Variants in SAMD12 observed in about 807,000 individuals in gnomAD.
SAMD12 encodes the protein sterile alpha motif domain-containing protein 12.
SAMD12 carries 9 observed loss-of-function variants against 15.0 expected under a neutral mutation model. The observed-to-expected ratio is 0.60, with a 90% CI of 0.36 to 1.05. SAMD12 has a LOEUF of 1.05. Ranked by LOEUF, SAMD12 falls within the 50% of genes least tolerant of loss-of-function variation. The pLI, the probability that SAMD12 is intolerant of heterozygous loss-of-function variation, is 0.01. For missense variants in SAMD12, 230 were observed against 234.2 expected (o/e 0.98, Z 0.12); for synonymous variants, 86 against 90.1 (o/e 0.96, Z 0.25).
chr8:118,269,220 C>CTCTCTCTCTGTGTGTGTG (rs1299970707), intron 4 of SAMD12, among the ~76,000 whole-genome samples: 4 of 123,042 alleles, frequency 3.3e-5, no homozygotes, highest in South Asian at 6.1e-4. Context: ...CTCTCTCTCT[C>CTCTCTCTCTGTGTGTGTG]TGTGTGTGTG....
chr8:118,182,427 A>G, the SAMD12 span, among the ~76,000 whole-genome samples: 169 of 152,296 alleles, frequency 1.1e-3, 2 homozygotes, highest in Non-Finnish European at 2.1e-3. Context: ...CATGAAATTT[A>G]TGGCTTCTTT....
intron 4 of SAMD12, among the ~76,000 whole-genome samples, chr8:118,199,124 T>C (rs1057427002): frequency 2.6e-5 from 4 of 152,188 alleles, no homozygotes; most frequent in African/African-American, 9.6e-5. Context: ...AAAGCTTATA[T>C]ATATGCATAG....
intron 2 of SAMD12, among the ~76,000 whole-genome samples, chr8:118,471,718 T>G (rs1823797362): frequency 6.6e-6 from 1 of 152,174 alleles, no homozygotes; most frequent in Non-Finnish European, 1.5e-5. Context: ...CTCTTGGTCT[T>G]AGGTATTTAT....
intron 4 of SAMD12, among the ~76,000 whole-genome samples, chr8:118,198,903 G>C (rs1012736141): frequency 5.3e-5 from 8 of 151,530 alleles, no homozygotes; most frequent in Non-Finnish European, 1.2e-4. Flanking sequence ...CTAAAAAAAA[G>C]AAAGAAGCTA....
At chr8:118,544,046 T>C (rs1826058644) in intron 2 of SAMD12, among the ~76,000 whole-genome samples, 1 of 152,166 alleles carries the variant, frequency 6.6e-6, no homozygotes, top group African/African-American at 2.4e-5. Flanking sequence ...TTTCACCATC[T>C]GTTCCCAATC....
At chr8:118,396,186 C>G (rs960986372) in intron 3 of SAMD12, among the ~76,000 whole-genome samples, 1 of 152,118 alleles carries the variant, frequency 6.6e-6, no homozygotes, top group Non-Finnish European at 1.5e-5. Context: ...TCTCCACATG[C>G]AAGCTCTGTG....
intron 4 of SAMD12, among the ~76,000 whole-genome samples, chr8:118,254,422 C>T (rs762982229): frequency 6.6e-6 from 1 of 152,098 alleles, no homozygotes; most frequent in Non-Finnish European, 1.5e-5. Context: ...TTGATTCATG[C>T]CGCGTAGAAA....
chr8:118,500,067 C>CTTTTTTTTTTTTTTTTT (rs563321387), intron 2 of SAMD12, among the ~76,000 whole-genome samples: 1 of 72,566 alleles, frequency 1.4e-5, no homozygotes, highest in African/African-American at 5.7e-5. Context: ...TGAGTTTTGC[C>CTTTTTTTTTTTTTTTTT]TTTTTTTTTT....
chr8:118,280,673 T>C (rs1813602080), intron 4 of SAMD12, among the ~76,000 whole-genome samples: 1 of 152,168 alleles, frequency 6.6e-6, no homozygotes, highest in African/African-American at 2.4e-5. Flanking sequence ...AAAAGCATTC[T>C]TCAGAAATGA....
the SAMD12 span, among the ~76,000 whole-genome samples, chr8:118,134,795 C>T: frequency 2.6e-5 from 4 of 152,180 alleles, no homozygotes; most frequent in East Asian, 1.9e-4. Context: ...GAGTGTGCAG[C>T]GAAGTGCATA....
intron 2 of SAMD12, among the ~76,000 whole-genome samples, chr8:118,539,231 G>A (rs1378419607): frequency 6.6e-6 from 1 of 152,188 alleles, no homozygotes; most frequent in African/African-American, 2.4e-5. Flanking sequence ...GAATCACGAA[G>A]TCCAGGAATA....
intron 3 of SAMD12, among the ~76,000 whole-genome samples, chr8:118,431,632 A>C (rs982775935): frequency 6.6e-6 from 1 of 151,526 alleles, no homozygotes; most frequent in Non-Finnish European, 1.5e-5. Context: ...ACTAAGGTAC[A>C]TGATGTTTGT....
chr8:118,446,617 T>C (rs1189306958), intron 2 of SAMD12, among the ~76,000 whole-genome samples: 1 of 152,198 alleles, frequency 6.6e-6, no homozygotes, highest in African/African-American at 2.4e-5. Flanking sequence ...ACGTATCCTA[T>C]GAAATAGGCC....
At chr8:118,325,179 A>C (rs946457582) in intron 4 of SAMD12, among the ~76,000 whole-genome samples, 1 of 152,224 alleles carries the variant, frequency 6.6e-6, no homozygotes, top group African/African-American at 2.4e-5. Flanking sequence ...GCTGCTAAAC[A>C]GCAGAGATGT....
At chr8:118,558,751 G>A (rs1267009159) in intron 2 of SAMD12, among the ~76,000 whole-genome samples, 1 of 152,082 alleles carries the variant, frequency 6.6e-6, no homozygotes, top group Non-Finnish European at 1.5e-5. Flanking sequence ...GTAGAGACGG[G>A]TTTCACTGTG....
chr8:118,131,945 A>T, the SAMD12 span, among the ~76,000 whole-genome samples: 3 of 152,224 alleles, frequency 2.0e-5, no homozygotes, highest in Non-Finnish European at 2.9e-5. Context: ...TTCAGAAAAC[A>T]TAAATAAGCA....
At chr8:118,311,815 A>G (rs1815645612) in intron 4 of SAMD12, among the ~76,000 whole-genome samples, 1 of 152,132 alleles carries the variant, frequency 6.6e-6, no homozygotes, top group South Asian at 2.1e-4. Flanking sequence ...TTCAATAATC[A>G]CCATCCTTTT....
chr8:118,506,060 T>C (rs774747101), intron 2 of SAMD12, among the ~76,000 whole-genome samples: 2 of 152,158 alleles, frequency 1.3e-5, no homozygotes, highest in Non-Finnish European at 2.9e-5. Context: ...TTAGTACCCA[T>C]ACCTGCAGTC....
chr8:118,335,651 A>G (rs989712227), intron 4 of SAMD12, among the ~76,000 whole-genome samples: 8 of 152,194 alleles, frequency 5.3e-5, no homozygotes, highest in East Asian at 1.9e-4. Flanking sequence ...GCCATTGAAC[A>G]TTCTTCCTCT....
Sources: gnomAD v4.1 joint callset for allele counts (sites outside exome capture counted in the v4.1 genomes callset) on GRCh38, gnomAD v4.1.1 for gene constraint, MANE v1.5 for transcripts, NCBI Gene and HGNC (gene_info 2026-07-23, HGNC 2026-07-21) for gene names.